KCNK2: variants seen among roughly 807,000 people sequenced by gnomAD.
KCNK2 encodes the protein potassium two pore domain channel subfamily K member 2.
Under a neutral mutation model 40.5 loss-of-function variants are expected in KCNK2, and 21 were observed. The observed-to-expected ratio is 0.52, with a 90% CI of 0.37 to 0.75. The LOEUF (loss-of-function observed/expected upper bound fraction) is 0.75, where lower values mean the gene tolerates loss of function less well. Ranked by LOEUF, KCNK2 falls within the 30% of genes least tolerant of loss-of-function variation. The pLI is 0.00. For missense variants in KCNK2, 399 were observed against 531.6 expected (o/e 0.75, Z 2.45); for synonymous variants, 191 against 202.2 (o/e 0.94, Z 0.47).
At chr1:215,205,398 C>T (rs546060851) in intron 6 of KCNK2, among the ~76,000 whole-genome samples, 6 of 152,188 alleles carry the variant, frequency 3.9e-5, no homozygotes, top group African/African-American at 1.4e-4. Context: ...CCACCACGCC[C>T]GGCTAATTTT....
chr1:215,172,830 T>C (rs1458082266), intron 5 of KCNK2, among the ~76,000 whole-genome samples: 9 of 152,138 alleles, frequency 5.9e-5, no homozygotes, highest in African/African-American at 1.9e-4. Flanking sequence ...CTAATTGATG[T>C]ATTTTTAGGA....
intron 3 of KCNK2, among the ~76,000 whole-genome samples, chr1:215,144,567 C>G (rs970181088): frequency 6.6e-6 from 1 of 152,034 alleles, no homozygotes; most frequent in African/African-American, 2.4e-5. Flanking sequence ...ACTTGAAAAC[C>G]TTGAGTTTTA....
rs192313455 is a variant in KCNK2 at position 215,198,125 on chromosome 1, C to G, written c.963+3033C>G. Among the ~76,000 whole-genome samples the G allele has an allele frequency of 2.0e-5, 3 of 152,284 alleles. No individual in the cohort carries two copies. In the East Asian group the frequency reaches 5.8e-4, roughly 29 times the overall value. ...GCATTGTGTTTTCATGCTAGTTAAACATTGCAGGGTTTTTTGGTTTTGTTT... is the reference window on the plus strand; with the variant it reads ...GCATTGTGTTTTCATGCTAGTTAAAGATTGCAGGGTTTTTTGGTTTTGTTT... On this transcript the variant is annotated intron_variant, in intron 6 of 6. Coordinates refer to ENST00000444842, the MANE Select transcript of KCNK2 (RefSeq NM_001017425.3).
chr1:215,210,460 AG>A (rs1250347457), intron 6 of KCNK2, among the ~76,000 whole-genome samples: 1 of 152,080 alleles, frequency 6.6e-6, no homozygotes, highest in Non-Finnish European at 1.5e-5. Context: ...GTCTGACTAC[AG>A]AAAAAATAAT....
chr1:215,010,106 T>A (rs1656323934), intron 1 of KCNK2, among the ~76,000 whole-genome samples: 1 of 152,176 alleles, frequency 6.6e-6, no homozygotes, highest in Non-Finnish European at 1.5e-5. Flanking sequence ...GGGGCATAGT[T>A]ACATCTGTTT....
intron 1 of KCNK2, among the ~76,000 whole-genome samples, chr1:215,015,476 C>G (rs1014822177): frequency 2.6e-5 from 4 of 152,080 alleles, no homozygotes; most frequent in Non-Finnish European, 1.5e-5. Context: ...AAAAACCATA[C>G]AGGCTCTGGG....
At chr1:215,059,991 G>T (rs977615105) in intron 1 of KCNK2, among the ~76,000 whole-genome samples, 1 of 152,144 alleles carries the variant, frequency 6.6e-6, no homozygotes, top group African/African-American at 2.4e-5. Context: ...TGCAGTTGAC[G>T]GCACATCAGC....
At chr1:215,147,350 T>G (rs1158183777) in intron 3 of KCNK2, among the ~76,000 whole-genome samples, 3 of 152,224 alleles carry the variant, frequency 2.0e-5, no homozygotes, top group African/African-American at 7.2e-5. Flanking sequence ...TTGCTATGGA[T>G]CCTTAGTTTA....
chr1:215,046,921 A>G (rs1040596777), intron 1 of KCNK2, among the ~76,000 whole-genome samples: 3 of 152,080 alleles, frequency 2.0e-5, no homozygotes, highest in African/African-American at 7.2e-5. Flanking sequence ...AAATGGAATG[A>G]TGACTTTATA....
intron 6 of KCNK2, among the ~76,000 whole-genome samples, chr1:215,215,175 T>C (rs2102693329): frequency 6.6e-6 from 1 of 150,656 alleles, no homozygotes; most frequent in Non-Finnish European, 1.5e-5. Context: ...TAATAAGAGA[T>C]AATGAAGCTA....
At chr1:215,031,372 C>T (rs1231999391) in intron 1 of KCNK2, among the ~76,000 whole-genome samples, 1 of 152,122 alleles carries the variant, frequency 6.6e-6, no homozygotes. Flanking sequence ...AAATATCTTT[C>T]CCTTTATTTA....
chr1:215,186,196 GC>G, intron 5 of KCNK2, among the ~76,000 whole-genome samples: 1 of 152,198 alleles, frequency 6.6e-6, no homozygotes, highest in Admixed American at 6.5e-5. Context: ...ATCACTTGTG[GC>G]CAGAAGTTCA....
At chr1:215,160,386 T>C (rs1198263785) in intron 3 of KCNK2, among the ~76,000 whole-genome samples, 2 of 152,180 alleles carry the variant, frequency 1.3e-5, no homozygotes, top group Non-Finnish European at 2.9e-5. Context: ...AGGAGTTCTG[T>C]GTACAATTAT....
At chr1:215,020,079 G>A (rs1393264815) in intron 1 of KCNK2, among the ~76,000 whole-genome samples, 1 of 151,708 alleles carries the variant, frequency 6.6e-6, no homozygotes, top group Non-Finnish European at 1.5e-5. Flanking sequence ...TTCCCTTGTT[G>A]AGTGAGTGTA....
chr1:215,198,139 T>C (rs1312770948), intron 6 of KCNK2, among the ~76,000 whole-genome samples: 1 of 152,174 alleles, frequency 6.6e-6, no homozygotes, highest in East Asian at 1.9e-4. Flanking sequence ...GCAGGGTTTT[T>C]TGGTTTTGTT....
chr1:215,138,132 A>G (rs1332286540), intron 3 of KCNK2, among the ~76,000 whole-genome samples: 1 of 152,206 alleles, frequency 6.6e-6, no homozygotes, highest in Non-Finnish European at 1.5e-5. Flanking sequence ...AGCAGACAAA[A>G]TAACTGCTTC....
chr1:215,078,130 T>C (rs1163733306), upstream of KCNK2, among the ~76,000 whole-genome samples: 1 of 152,120 alleles, frequency 6.6e-6, no homozygotes, highest in Non-Finnish European at 1.5e-5. Flanking sequence ...AAGCAAATCA[T>C]AAAAAAACCT....
At chr1:215,022,856 A>G (rs1160996687) in intron 1 of KCNK2, among the ~76,000 whole-genome samples, 4 of 152,212 alleles carry the variant, frequency 2.6e-5, no homozygotes, top group African/African-American at 9.6e-5. Flanking sequence ...TTTAATGTTT[A>G]TGCAAGGACT....
rs1384213937 is a variant in KCNK2 at position 215,165,066 on chromosome 1, T to A, written c.476-4133T>A. Among the ~76,000 whole-genome samples the A allele has an allele frequency of 2.0e-5, 3 of 152,186 alleles. No homozygotes were observed. The East Asian group carries it at 5.8e-4, about 29-fold the overall frequency. On this transcript the variant is annotated intron_variant, in intron 3 of 6. Coordinates refer to ENST00000444842, the MANE Select transcript of KCNK2 (RefSeq NM_001017425.3). ...TATCATAAGGAATCCTAGAAGACCATCAGTCCAAAGTATTACACACTGCAA... is the reference window on the plus strand; with the variant it reads ...TATCATAAGGAATCCTAGAAGACCAACAGTCCAAAGTATTACACACTGCAA...
Sources: allele counts gnomAD v4.1 joint callset (sites outside exome capture counted in the v4.1 genomes callset), GRCh38; gene constraint gnomAD v4.1.1; transcripts MANE v1.5; gene names NCBI Gene and HGNC (gene_info 2026-07-23, HGNC 2026-07-21).